The following HDAC9 variants were observed in gnomAD, a reference collection of about 807,000 sequenced individuals.
The protein encoded by HDAC9 is MEF-2 interacting transcription repressor (MITR) protein.
HDAC9 carries 41 observed loss-of-function variants against 139.4 expected under a neutral mutation model. The observed-to-expected ratio is 0.29, with a 90% CI of 0.23 to 0.38. The LOEUF is 0.38. Ranked by LOEUF, HDAC9 falls within the 10% of genes least tolerant of loss-of-function variation. The pLI is 1.00. For synonymous variants in HDAC9, 517 were observed against 476.2 expected, an observed-to-expected ratio of 1.09 and a Z score of -1.12; for missense variants, 1,147 against 1,297.0, an observed-to-expected ratio of 0.88 and a Z score of 1.78.
Position 18,996,155 on chromosome 7 carries a change from G to T in HDAC9, c.*93G>T. Reference sequence around the variant, plus strand: ...TCAGACATGTCTTGTCTGCTGCCTGGGTGGCACAGATTCAATGGAACATAA... The same window carrying T: ...TCAGACATGTCTTGTCTGCTGCCTGTGTGGCACAGATTCAATGGAACATAA... On this transcript the variant is annotated 3_prime_UTR_variant, in exon 26 of 26. Transcript: ENST00000686413. The T allele has an allele frequency of 1.1e-6, 1 of 892,764 alleles. No homozygotes were observed. The highest frequency in any genetic ancestry group is 2.7e-5 in the East Asian group (1 of 37,344). 55.3% of individuals were successfully genotyped at this position (892,764 alleles called of 1,614,324 possible).
chr7:18,204,226 GTT>G (rs1791336305), intron 2 of HDAC9, among the ~76,000 whole-genome samples: 1 of 151,470 alleles, frequency 6.6e-6, no homozygotes, highest in Non-Finnish European at 1.5e-5. Flanking sequence ...AGGAGTGGTT[GTT>G]TGATAATCTG....
At chr7:18,847,231 T>C (rs1339015260) in intron 21 of HDAC9, among the ~76,000 whole-genome samples, 1 of 152,176 alleles carries the variant, frequency 6.6e-6, no homozygotes, top group Admixed American at 6.5e-5. Context: ...GTCAGATCAT[T>C]TACCAGTGTT....
chr7:18,226,837 G>C (rs1793088682), intron 2 of HDAC9, among the ~76,000 whole-genome samples: 1 of 152,216 alleles, frequency 6.6e-6, no homozygotes, highest in Non-Finnish European at 1.5e-5. Flanking sequence ...AGATCTCAGA[G>C]TGAGTTGTGA....
At chr7:18,522,058 A>G (rs1440808344) in intron 2 of HDAC9, among the ~76,000 whole-genome samples, 1 of 152,204 alleles carries the variant, frequency 6.6e-6, no homozygotes, top group African/African-American at 2.4e-5. Flanking sequence ...TATACAGAAG[A>G]CAGGATGTAA....
chr7:18,959,283 A>T (rs1185195579), intron 24 of HDAC9, among the ~76,000 whole-genome samples: 1 of 152,212 alleles, frequency 6.6e-6, no homozygotes, highest in African/African-American at 2.4e-5. Flanking sequence ...ACAAATAATG[A>T]ATGATATTGA....
At chr7:18,131,590 G>T (rs1785015236) in intron 1 of HDAC9, among the ~76,000 whole-genome samples, 1 of 152,150 alleles carries the variant, frequency 6.6e-6, no homozygotes, top group African/African-American at 2.4e-5. Flanking sequence ...GAAATAAATT[G>T]TAGAGGGCAT....
At chr7:18,200,373 A>G (rs561336869) in intron 2 of HDAC9, among the ~76,000 whole-genome samples, 97 of 152,320 alleles carry the variant, frequency 6.4e-4, no homozygotes, top group African/African-American at 2.2e-3. Flanking sequence ...GGTTTTTTCA[A>G]TATTCTATGA....
At chr7:18,575,558 T>C (rs367981961) in intron 2 of HDAC9, among the ~76,000 whole-genome samples, 39 of 152,244 alleles carry the variant, frequency 2.6e-4, no homozygotes, top group Non-Finnish European at 4.6e-4. Flanking sequence ...TGTCAGCACA[T>C]TGAATTTTAA....
chr7:18,802,076 G>T (rs1369378433), intron 17 of HDAC9, among the ~76,000 whole-genome samples: 1 of 151,384 alleles, frequency 6.6e-6, no homozygotes, highest in Non-Finnish European at 1.5e-5. Flanking sequence ...TTTATTTGGG[G>T]GGAGGTCATA....
intron 2 of HDAC9, among the ~76,000 whole-genome samples, chr7:18,546,550 C>T (rs1377676497): frequency 1.3e-5 from 2 of 152,162 alleles, no homozygotes; most frequent in Non-Finnish European, 2.9e-5. Flanking sequence ...CTTTCTCCTT[C>T]TCATTCTCTT....
At position 18,793,419 on chromosome 7, in the gene HDAC9, G is replaced by A; in HGVS notation, c.2289G>A (p.Glu763=). The change falls in exon 17 of 26, where the codon GAG becomes GAA. Residue 763 remains glutamate, a synonymous_variant. Coordinates refer to ENST00000686413, the MANE Select transcript of HDAC9 (RefSeq NM_178425.4). ...GCATGGCTGTTGGCTGTGTCATCGA[G>A]CTGGCTTCCAAAGTGGCCTCAGGAG... ...AARMAVGCVI[E]LASKVASGEL... 6.3e-7 allele frequency: 1 copy of A among 1,584,208 alleles called. No homozygotes were observed.
chr7:18,375,337 G>T (rs1207459123), intron 1 of HDAC9, among the ~76,000 whole-genome samples: 1 of 152,068 alleles, frequency 6.6e-6, no homozygotes, highest in South Asian at 2.1e-4. Context: ...GGGCATGGTG[G>T]CACATGCTTG....
chr7:18,678,486 C>T (rs1781674184), intron 12 of HDAC9, among the ~76,000 whole-genome samples: 1 of 151,818 alleles, frequency 6.6e-6, no homozygotes, highest in Non-Finnish European at 1.5e-5. Flanking sequence ...GATACTGTCT[C>T]ACGTATCAAG....
At chr7:18,242,009 T>C (rs1385372448) in intron 2 of HDAC9, among the ~76,000 whole-genome samples, 5 of 152,188 alleles carry the variant, frequency 3.3e-5, no homozygotes, top group Non-Finnish European at 7.4e-5. Context: ...CTTTAGATGA[T>C]GGCTCTGAAC....
At chr7:18,705,713 T>A (rs892227593) in intron 12 of HDAC9, among the ~76,000 whole-genome samples, 1 of 151,462 alleles carries the variant, frequency 6.6e-6, no homozygotes. Context: ...ATTAGCTGGG[T>A]GCAGTGGCGC....
chr7:18,223,859 C>T (rs1014929942), intron 2 of HDAC9, among the ~76,000 whole-genome samples: 1 of 152,034 alleles, frequency 6.6e-6, no homozygotes, highest in Non-Finnish European at 1.5e-5. Flanking sequence ...GTCTTTAAAA[C>T]TTCTCTCGAC....
intron 2 of HDAC9, among the ~76,000 whole-genome samples, chr7:18,208,173 G>C (rs868074150): frequency 1.3e-5 from 2 of 152,068 alleles, no homozygotes; most frequent in Non-Finnish European, 2.9e-5. Context: ...AGACCAACCT[G>C]TTCAGTTCTT....
chr7:18,269,911 T>C (rs1796247151), intron 2 of HDAC9, among the ~76,000 whole-genome samples: 1 of 152,056 alleles, frequency 6.6e-6, no homozygotes, highest in Non-Finnish European at 1.5e-5. Flanking sequence ...AAAGATCTCT[T>C]GAGTTTGATA....
intron 2 of HDAC9, among the ~76,000 whole-genome samples, chr7:18,254,328 A>G (rs1390096991): frequency 6.6e-6 from 1 of 152,240 alleles, no homozygotes. Flanking sequence ...CCCTTGGACT[A>G]TTCACTTATC....
Sources: allele counts gnomAD v4.1 joint callset (sites outside exome capture counted in the v4.1 genomes callset), GRCh38; gene constraint gnomAD v4.1.1; transcripts MANE v1.5; gene names NCBI Gene and HGNC (gene_info 2026-07-23, HGNC 2026-07-21).